UNC13C: variants seen among roughly 807,000 people sequenced by gnomAD.
UNC13C encodes protein unc-13 homolog C.
A neutral mutation model predicts 245.4 loss-of-function variants in UNC13C; 174 were observed. The ratio of observed to expected loss-of-function variants is 0.71; its 90% confidence interval spans 0.63 to 0.80. The LOEUF (loss-of-function observed/expected upper bound fraction) is 0.80, where lower values mean the gene tolerates loss of function less well. UNC13C is among the 30% of genes least tolerant of loss of function. The probability of loss-of-function intolerance (pLI) is 0.00; values close to 1 mark genes in which losing one functional copy is unlikely to be tolerated. For missense variants in UNC13C, 2,829 were observed against 2,602.9 expected, an observed-to-expected ratio of 1.09 and a Z score of -1.89; for synonymous variants, 992 against 895.1, an observed-to-expected ratio of 1.11 and a Z score of -1.93.
intron 10 of UNC13C, among the ~76,000 whole-genome samples, chr15:54,279,336 G>C (rs780455315): frequency 2.0e-5 from 3 of 152,222 alleles, no homozygotes; most frequent in Non-Finnish European, 4.4e-5. Context: ...AAGTTAATTG[G>C]AATGTGAGAT....
intron 17 of UNC13C, among the ~76,000 whole-genome samples, chr15:54,344,160 TC>T (rs2038804049): frequency 6.6e-6 from 1 of 152,158 alleles, no homozygotes; most frequent in Non-Finnish European, 1.5e-5. Flanking sequence ...AAAGAGAGAA[TC>T]TTTATCATTT....
intron 24 of UNC13C, among the ~76,000 whole-genome samples, chr15:54,515,005 T>A (rs1255122424): frequency 6.6e-6 from 1 of 152,140 alleles, no homozygotes; most frequent in Non-Finnish European, 1.5e-5. Context: ...TCCTCTAAAG[T>A]GATTTTCCAA....
chr15:54,367,640 A>G lies in UNC13C; in HGVS notation c.4714-25408A>G, dbSNP rs142358056. Among the ~76,000 whole-genome samples, 29 of 152,292 alleles carry G rather than the reference A, an allele frequency of 1.9e-4. No homozygotes were observed. The East Asian group carries it at 5.6e-3, about 29-fold the overall frequency. On this transcript the variant is annotated intron_variant, in intron 17 of 32. Coordinates refer to ENST00000260323, the MANE Select transcript of UNC13C (RefSeq NM_001080534.3). ...AAAAGTTTTTAGACAGAGAATGTAAATGATCCAACAAATTATAGCATAATA... is the reference window on the plus strand; with the variant it reads ...AAAAGTTTTTAGACAGAGAATGTAAGTGATCCAACAAATTATAGCATAATA...
chr15:54,396,215 T>G (rs1366939086), intron 18 of UNC13C, among the ~76,000 whole-genome samples: 1 of 151,730 alleles, frequency 6.6e-6, no homozygotes, highest in Non-Finnish European at 1.5e-5. Flanking sequence ...AATGAAGATA[T>G]CCATTACCCC....
At chr15:54,158,029 A>C (rs1230544813) in intron 4 of UNC13C, among the ~76,000 whole-genome samples, 1 of 152,220 alleles carries the variant, frequency 6.6e-6, no homozygotes, top group Non-Finnish European at 1.5e-5. Flanking sequence ...CTTTAGCCAT[A>C]ATTGTTTACC....
chr15:54,594,801 T>C (rs899442501), intron 30 of UNC13C, among the ~76,000 whole-genome samples: 65 of 152,282 alleles, frequency 4.3e-4, no homozygotes, highest in African/African-American at 1.5e-3. Flanking sequence ...GGAAAGGATG[T>C]TGGGGAAACC....
chr15:54,153,845 T>C (rs969703148), intron 4 of UNC13C, among the ~76,000 whole-genome samples: 1 of 151,998 alleles, frequency 6.6e-6, no homozygotes, highest in African/African-American at 2.4e-5. Flanking sequence ...TAATTCATGA[T>C]TGATATTGTA....
intron 1 of UNC13C, among the ~76,000 whole-genome samples, chr15:53,997,370 T>C (rs1342098889): frequency 6.6e-6 from 1 of 152,150 alleles, no homozygotes; most frequent in Non-Finnish European, 1.5e-5. Context: ...TCTTATTTTG[T>C]TAATGGTTTT....
intron 19 of UNC13C, among the ~76,000 whole-genome samples, chr15:54,488,812 C>A (rs1337192232): frequency 2.6e-5 from 4 of 152,040 alleles, no homozygotes; most frequent in African/African-American, 7.2e-5. Context: ...AATTATACTG[C>A]AGTTTGGAAA....
the UNC13C span, among the ~76,000 whole-genome samples, chr15:53,858,684 G>T: frequency 5.9e-5 from 9 of 152,214 alleles, no homozygotes; most frequent in East Asian, 1.7e-3. Flanking sequence ...ATCCCAAAGT[G>T]CTGGGATTAC....
At chr15:54,240,927 A>G (rs753759771) in intron 7 of UNC13C, among the ~76,000 whole-genome samples, 3 of 152,194 alleles carry the variant, frequency 2.0e-5, no homozygotes, top group African/African-American at 4.8e-5. Context: ...CTTATTGACT[A>G]TCTGCTATGT....
At chr15:54,474,498 C>T (rs1892622902) in intron 19 of UNC13C, among the ~76,000 whole-genome samples, 1 of 151,726 alleles carries the variant, frequency 6.6e-6, no homozygotes, top group African/African-American at 2.4e-5. Flanking sequence ...ATTCATGTCC[C>T]TTGCCTGCTT....
chr15:53,856,664 T>C, the UNC13C span, among the ~76,000 whole-genome samples: 1 of 152,196 alleles, frequency 6.6e-6, no homozygotes, highest in South Asian at 2.1e-4. Flanking sequence ...GATACTGTTA[T>C]GATTTCAGTT....
chr15:54,358,827 A>C, intron 17 of UNC13C, among the ~76,000 whole-genome samples: 1 of 151,970 alleles, frequency 6.6e-6, no homozygotes, highest in Non-Finnish European at 1.5e-5. Context: ...CCCAATTCCT[A>C]TAGCTAAGAC....
intron 2 of UNC13C, among the ~76,000 whole-genome samples, chr15:54,112,824 C>T (rs756895683): frequency 2.0e-5 from 3 of 152,180 alleles, no homozygotes; most frequent in Non-Finnish European, 4.4e-5. Flanking sequence ...ACCCAAGTTA[C>T]AGGTTGAGGC....
rs1263545488 is a variant in UNC13C at position 53,978,485 on chromosome 15, C to G, written c.-699C>G. ...CCGGCGATGTGTGAAGTTCCCAGCA[C>G]GCACTCAGCCCGGCTGCTCCTCACC... On this transcript the variant is annotated 5_prime_UTR_variant, in exon 1 of 33. Coordinates refer to ENST00000260323, the MANE Select transcript of UNC13C (RefSeq NM_001080534.3). Among the ~76,000 whole-genome samples the G allele has an allele frequency of 2.0e-5, 3 of 152,146 alleles. No homozygotes were observed. In the South Asian group the frequency reaches 6.2e-4, roughly 32 times the overall value.
In UNC13C at chr15:53,987,732, C is replaced by T. The variant is rs117126432; in HGVS notation, c.-257+8805C>T. On this transcript the variant is annotated intron_variant, in intron 1 of 32. Coordinates refer to ENST00000260323, the MANE Select transcript of UNC13C (RefSeq NM_001080534.3). ...GGGTTTGAAACATGCACACAAAATT[C>T]AGTGTAGCAATCCCAGTGCACTGAT... Among the ~76,000 whole-genome samples the T allele has an allele frequency of 1.1e-4, 16 of 152,134 alleles. No homozygotes were observed. In the East Asian group the frequency reaches 2.7e-3, roughly 26 times the overall value.
chr15:54,080,312 T>C (rs1027799788), intron 2 of UNC13C, among the ~76,000 whole-genome samples: 3 of 152,018 alleles, frequency 2.0e-5, no homozygotes, highest in African/African-American at 7.2e-5. Flanking sequence ...CACATTTTGG[T>C]ATCAGGATGA....
At chr15:54,200,443 C>T (rs1445978341) in intron 4 of UNC13C, among the ~76,000 whole-genome samples, 1 of 151,994 alleles carries the variant, frequency 6.6e-6, no homozygotes, top group Admixed American at 6.6e-5. Flanking sequence ...CAGAACAAGT[C>T]TCAGTACATT....
Sources: gnomAD v4.1 joint callset for allele counts (sites outside exome capture counted in the v4.1 genomes callset) on GRCh38, gnomAD v4.1.1 for gene constraint, MANE v1.5 for transcripts, NCBI Gene and HGNC (gene_info 2026-07-23, HGNC 2026-07-21) for gene names.